Variants in RIMKLA observed in about 807,000 individuals in gnomAD.
RIMKLA encodes ribosomal modification protein rimK like family member A, also known as N-acetylaspartylglutamate synthase A.
A neutral mutation model predicts 32.7 loss-of-function variants in RIMKLA; 14 were observed. That is an observed-to-expected ratio of 0.43 (90% CI 0.28 to 0.67). RIMKLA has a LOEUF of 0.67. Ranked by LOEUF, RIMKLA falls within the 30% of genes least tolerant of loss-of-function variation. The probability of loss-of-function intolerance (pLI) is 0.18; values close to 1 mark genes in which losing one functional copy is unlikely to be tolerated. For missense variants in RIMKLA, 410 were observed against 519.0 expected, an observed-to-expected ratio of 0.79 and a Z score of 2.04; for synonymous variants, 176 against 204.1, an observed-to-expected ratio of 0.86 and a Z score of 1.18.
chr1:42,392,412 G>A (rs1259862062), intron 1 of RIMKLA, among the ~76,000 whole-genome samples: 1 of 152,146 alleles, frequency 6.6e-6, no homozygotes, highest in Admixed American at 6.5e-5. Flanking sequence ...CAGGGATATT[G>A]TTTGTTTTAC....
chr1:42,405,809 A>T (rs1643139323), intron 3 of RIMKLA, among the ~76,000 whole-genome samples: 1 of 152,214 alleles, frequency 6.6e-6, no homozygotes, highest in Non-Finnish European at 1.5e-5. Flanking sequence ...TCTGCCATGA[A>T]GTCTTCACTG....
intron 2 of RIMKLA, among the ~76,000 whole-genome samples, chr1:42,400,037 A>G (rs1643083224): frequency 6.6e-6 from 1 of 152,192 alleles, no homozygotes; most frequent in South Asian, 2.1e-4. Flanking sequence ...TGCAGTTTAG[A>G]CATTGAGGAA....
chr1:42,390,197 T>TCGG (rs1570317071), intron 1 of RIMKLA, among the ~76,000 whole-genome samples: 1 of 151,852 alleles, frequency 6.6e-6, no homozygotes, highest in African/African-American at 2.4e-5. Flanking sequence ...GCCACCACAC[T>TCGG]CAGCTATTTT....
intron 1 of RIMKLA, among the ~76,000 whole-genome samples, chr1:42,381,927 G>A (rs1642892922): frequency 1.3e-5 from 2 of 152,172 alleles, no homozygotes; most frequent in South Asian, 4.1e-4. Context: ...CTCCACTGGA[G>A]GCATCCAACC....
chr1:42,385,866 CTTTCTT>C (rs1557750017), intron 1 of RIMKLA, among the ~76,000 whole-genome samples: 1 of 75,872 alleles, frequency 1.3e-5, no homozygotes, highest in African/African-American at 4.8e-5. Context: ...TTCTTTCTTT[CTTTCTT>C]TCTTTCTTTC....
At chr1:42,401,723 G>T (rs987014565) in intron 2 of RIMKLA, among the ~76,000 whole-genome samples, 4 of 152,132 alleles carry the variant, frequency 2.6e-5, no homozygotes, top group African/African-American at 7.2e-5. Flanking sequence ...TGGAAACAGT[G>T]GCTTTCTATA....
intron 3 of RIMKLA, among the ~76,000 whole-genome samples, chr1:42,405,489 C>T (rs922983996): frequency 3.9e-5 from 6 of 152,108 alleles, no homozygotes; most frequent in Admixed American, 2.6e-4. Flanking sequence ...GGTGCCTCAT[C>T]GGGATACCCA....
At position 42,414,859 on chromosome 1, in the gene RIMKLA, A is replaced by C; in HGVS notation, c.1061A>C (p.Glu354Ala). The change falls in exon 5 of 5, where the codon GAA (glutamate) becomes GCA (alanine). Residue 354 changes from glutamate to alanine, a missense_variant. Glu to Ala is a moderately radical substitution (Grantham distance 107, BLOSUM62 -1). Transcript: ENST00000431473. Reference protein sequence around the residue: ...SGSTSSESEPELGEIRDSSAS... With the variant: ...SGSTSSESEPALGEIRDSSAS... ...TCTACCTCTAGTGAAAGTGAGCCTG[A>C]ACTGGGAGAGATCCGGGATTCCTCA... The C allele has an allele frequency of 6.2e-7, 1 of 1,614,196 alleles. No homozygotes were observed. Among genetic ancestry groups the C allele is most frequent in the Non-Finnish European group, 8.5e-7 (1 of 1,180,034 alleles).
chr1:42,412,813 C>T lies in RIMKLA; in HGVS notation c.686-1671C>T, dbSNP rs111643707. On this transcript the variant is annotated intron_variant, in intron 4 of 4. Transcript: ENST00000431473. The stretch of plus-strand genomic sequence containing the variant: ...GCATCATTCTGTCAGCACAGAAAGA[C>T]GGAAGAAGGAGCCATCTCTCTTCTT... 1.1e-3 allele frequency: 273 copies of T among 255,720 alleles called. 1 individual carries two copies. The highest frequency in any genetic ancestry group is 5.7e-3 in the African/African-American group (242 of 42,510). The allele number at this position is 255,720 out of a possible 1,614,324, so 15.8% of individuals were successfully genotyped here. A position where few individuals can be genotyped will look rare whatever the true frequency, so the allele number is the denominator to read the frequency against.
chr1:42,402,954 A>G (rs925574976), intron 2 of RIMKLA, among the ~76,000 whole-genome samples: 6 of 152,122 alleles, frequency 3.9e-5, no homozygotes, highest in Non-Finnish European at 5.9e-5. Flanking sequence ...ACAGAACTGT[A>G]TGACAATAGA....
chr1:42,383,732 A>G (rs1642911310), intron 1 of RIMKLA, among the ~76,000 whole-genome samples: 1 of 152,236 alleles, frequency 6.6e-6, no homozygotes, highest in Admixed American at 6.5e-5. Flanking sequence ...TACGAAGAAG[A>G]ACCTGAGGCT....
intron 1 of RIMKLA, among the ~76,000 whole-genome samples, chr1:42,383,182 G>C (rs371951753): frequency 1.1e-4 from 16 of 152,122 alleles, no homozygotes; most frequent in African/African-American, 3.9e-4. Flanking sequence ...CACCGCGTCC[G>C]GCCTGTTCTT....
At chr1:42,400,666 A>G (rs935596675) in intron 2 of RIMKLA, among the ~76,000 whole-genome samples, 1 of 152,176 alleles carries the variant, frequency 6.6e-6, no homozygotes, top group African/African-American at 2.4e-5. Context: ...ATTTGTGGGT[A>G]GGGGGTGAAG....
intron 2 of RIMKLA, among the ~76,000 whole-genome samples, chr1:42,400,107 A>G (rs1643083921): frequency 6.6e-6 from 1 of 152,186 alleles, no homozygotes; most frequent in Non-Finnish European, 1.5e-5. Context: ...GCAAAGGGAG[A>G]TGGTGGAAGG....
At chr1:42,412,722 A>C in intron 4 of RIMKLA, 1 of 401,226 alleles carries the variant, frequency 2.5e-6, no homozygotes, top group South Asian at 1.9e-5. Context: ...GCCTAATAAG[A>C]ACCTGGCGTT....
At chr1:42,402,927 G>A (rs1206053401) in intron 2 of RIMKLA, among the ~76,000 whole-genome samples, 3 of 152,022 alleles carry the variant, frequency 2.0e-5, no homozygotes, top group Non-Finnish European at 4.4e-5. Context: ...AGTGAGACCT[G>A]TGTTGGACTT....
chr1:42,387,094 A>T (rs1180039377), intron 1 of RIMKLA, among the ~76,000 whole-genome samples: 1 of 147,150 alleles, frequency 6.8e-6, no homozygotes, highest in Non-Finnish European at 1.5e-5. Flanking sequence ...AATAAATATT[A>T]GCCAGGCATG....
In RIMKLA at chr1:42,414,825, A is replaced by G. The variant is rs1264490166; in HGVS notation, c.1027A>G (p.Asn343Asp). ...QGVAESVYTI[N>D]SGSTSSESEP... ...AGTTGCAGAGAGCGTCTATACCATC[A>G]ACAGTGGGTCTACCTCTAGTGAAAG... The change falls in exon 5 of 5, where the codon AAC becomes GAC. Residue 343 changes from asparagine to aspartate, a missense_variant. By Grantham distance (23) the Asn-to-Asp change is conservative. Transcript: ENST00000431473. 1.2e-6 allele frequency: 2 copies of G among 1,614,190 alleles called. No individual in the cohort carries two copies. Among genetic ancestry groups the G allele is most frequent in the Admixed American group, 3.3e-5 (2 of 60,034 alleles).
At chr1:42,391,841 C>T (rs1488948515) in intron 1 of RIMKLA, among the ~76,000 whole-genome samples, 1 of 152,092 alleles carries the variant, frequency 6.6e-6, no homozygotes, top group Non-Finnish European at 1.5e-5. Context: ...GAAGGTTTGC[C>T]AGGTTCTGGG....
Sources: allele counts gnomAD v4.1 joint callset (sites outside exome capture counted in the v4.1 genomes callset), GRCh38; gene constraint gnomAD v4.1.1; transcripts MANE v1.5; gene names NCBI Gene and HGNC (gene_info 2026-07-23, HGNC 2026-07-21).